Variants in LRRIQ3 observed in about 807,000 individuals in gnomAD.
LRRIQ3 encodes the protein leucine rich repeats and IQ motif containing 3, also known as leucine-rich repeat and IQ domain-containing protein 3.
Under a neutral mutation model 59.3 loss-of-function variants are expected in LRRIQ3, and 75 were observed. The observed-to-expected ratio is 1.26, with a 90% CI of 1.05 to 1.53. The LOEUF (loss-of-function observed/expected upper bound fraction) is 1.53. LRRIQ3 is among the 40% of genes most tolerant of loss of function. The pLI is 0.00. For synonymous variants in LRRIQ3, 250 were observed against 231.3 expected (o/e 1.08, Z -0.73); for missense variants, 831 against 710.0 (o/e 1.17, Z -1.94).
In LRRIQ3 at chr1:74,109,470, T is replaced by C; in HGVS notation, c.791A>G (p.Tyr264Cys). The C allele has an allele frequency of 1.9e-6, 3 of 1,574,692 alleles. No homozygotes were observed. The highest frequency in any genetic ancestry group is 1.9e-5 in the Admixed American group (1 of 53,290). The change falls in exon 5 of 8, where the codon TAT becomes TGT. Residue 264 changes from tyrosine (Y) to cysteine (C), a missense_variant. Tyr to Cys is a radical substitution (Grantham distance 194). Coordinates refer to ENST00000354431, the MANE Select transcript of LRRIQ3 (RefSeq NM_001105659.2). ...EAKWIYITKG[Y>C]EDKLLKDLFF... ...GAGATCCTTAAGGAGCTTATCTTCATACCCTTTGGTTATGTAAATCCATTT... is the reference window on the plus strand; with the variant it reads ...GAGATCCTTAAGGAGCTTATCTTCACACCCTTTGGTTATGTAAATCCATTT...
chr1:74,036,586 A>C (rs1653880950), intron 7 of LRRIQ3, among the ~76,000 whole-genome samples: 1 of 152,170 alleles, frequency 6.6e-6, no homozygotes, highest in African/African-American at 2.4e-5. Flanking sequence ...AATGTACCCG[A>C]AATTTTAATT....
intron 3 of LRRIQ3, chr1:74,179,783 A>G (rs1410862045): frequency 2.0e-5 from 3 of 151,986 alleles, no homozygotes; most frequent in African/African-American, 7.2e-5. Flanking sequence ...ACTCATAAAA[A>G]TCATGTCAGC....
chr1:74,107,193 C>T (rs1487033418), intron 5 of LRRIQ3, among the ~76,000 whole-genome samples: 1 of 152,030 alleles, frequency 6.6e-6, no homozygotes, highest in African/African-American at 2.4e-5. Context: ...TTAAGTCAAG[C>T]ACGTTTTATT....
chr1:74,136,134 G>A (rs900249175), intron 4 of LRRIQ3, among the ~76,000 whole-genome samples: 19 of 151,852 alleles, frequency 1.3e-4, no homozygotes, highest in African/African-American at 3.9e-4. Context: ...AAATGTAGAT[G>A]AAATGGATGA....
intron 6 of LRRIQ3, among the ~76,000 whole-genome samples, chr1:74,051,660 A>G (rs1570032018): frequency 6.6e-6 from 1 of 152,068 alleles, no homozygotes; most frequent in Non-Finnish European, 1.5e-5. Context: ...CCTGTCTCCT[A>G]CCATCTCCCC....
chr1:74,102,479 GGT>G (rs1052682680), intron 5 of LRRIQ3, among the ~76,000 whole-genome samples: 6 of 152,046 alleles, frequency 3.9e-5, no homozygotes, highest in South Asian at 2.1e-4. Context: ...GACAAGTGTT[GGT>G]AAGAATATGA....
chr1:74,056,032 C>G (rs1654524135), intron 6 of LRRIQ3, among the ~76,000 whole-genome samples: 1 of 151,454 alleles, frequency 6.6e-6, no homozygotes, highest in South Asian at 2.1e-4. Flanking sequence ...GTAGTCCCAG[C>G]TACTCAGGAG....
chr1:74,136,510 G>T (rs1570183072), intron 4 of LRRIQ3, among the ~76,000 whole-genome samples: 1 of 151,762 alleles, frequency 6.6e-6, no homozygotes, highest in East Asian at 1.9e-4. Flanking sequence ...CAAGAATAAA[G>T]TATTGTTCAA....
intron 7 of LRRIQ3, among the ~76,000 whole-genome samples, chr1:74,032,433 G>C (rs2100362514): frequency 6.6e-6 from 1 of 152,142 alleles, no homozygotes; most frequent in Non-Finnish European, 1.5e-5. Flanking sequence ...TGAAATCAAG[G>C]TGTCAGCCAG....
At chr1:74,184,394 T>A (rs1176344447) in intron 1 of LRRIQ3, among the ~76,000 whole-genome samples, 1 of 152,110 alleles carries the variant, frequency 6.6e-6, no homozygotes, top group Non-Finnish European at 1.5e-5. Flanking sequence ...TCAGCTTTCA[T>A]AAAAGGTAGT....
chr1:74,111,987 T>C (rs953797158), intron 4 of LRRIQ3, among the ~76,000 whole-genome samples: 6 of 152,128 alleles, frequency 3.9e-5, no homozygotes, highest in African/African-American at 1.4e-4. Flanking sequence ...CTCCCACTGA[T>C]AGGCAGAAGC....
At chr1:74,045,571 C>T (rs541213487) in intron 6 of LRRIQ3, among the ~76,000 whole-genome samples, 18 of 152,264 alleles carry the variant, frequency 1.2e-4, no homozygotes, top group Admixed American at 6.5e-5. Flanking sequence ...TGCCCTCTCT[C>T]ACCACTCCTA....
chr1:74,050,592 C>G, intron 6 of LRRIQ3: 1 of 985,214 alleles, frequency 1.0e-6, no homozygotes, highest in Non-Finnish European at 1.2e-6. Context: ...ACAAATGGTC[C>G]AAACCTATTT....
chr1:74,119,271 T>A (rs1646819256), intron 4 of LRRIQ3, among the ~76,000 whole-genome samples: 1 of 152,106 alleles, frequency 6.6e-6, no homozygotes, highest in Admixed American at 6.6e-5. Flanking sequence ...ATTGCTGATA[T>A]AATTTGCATA....
intron 4 of LRRIQ3, among the ~76,000 whole-genome samples, chr1:74,153,705 C>A (rs113825026): frequency 2.6e-5 from 4 of 152,152 alleles, no homozygotes; most frequent in African/African-American, 9.6e-5. Context: ...GACTATAATA[C>A]GGTATGGTAA....
chr1:74,060,423 G>A (rs1419625901), intron 6 of LRRIQ3, among the ~76,000 whole-genome samples: 1 of 150,016 alleles, frequency 6.7e-6, no homozygotes, highest in Non-Finnish European at 1.5e-5. Context: ...TTTTCTTAAG[G>A]TGGAAAGTTA....
At chr1:74,071,067 T>C (rs932284580) in intron 6 of LRRIQ3, among the ~76,000 whole-genome samples, 2 of 150,638 alleles carry the variant, frequency 1.3e-5, no homozygotes, top group Admixed American at 6.6e-5. Flanking sequence ...ATTATATATA[T>C]AACTATACAA....
Position 74,041,570 on chromosome 1 carries a change from C to T in LRRIQ3, c.1361G>A (p.Arg454Lys), listed in dbSNP as rs746056922. 3 of 1,613,530 alleles carry T rather than the reference C, an allele frequency of 1.9e-6. No individual in the cohort carries two copies. Among genetic ancestry groups the T allele is most frequent in the South Asian group, 2.2e-5 (2 of 90,986 alleles). ...AMAQVARERV[R>K]VAVNEHLNQK... ...ATTCAAATGTTCATTAACAGCTACT[C>T]TAACTCTTTCTCGAGCAACTTGTGC... Residue 454 changes from arginine to lysine, a missense_variant, in exon 7 of 8, where the codon AGA becomes AAA. By Grantham distance (26) the Arg-to-Lys change is conservative. Coordinates refer to ENST00000354431, the MANE Select transcript of LRRIQ3 (RefSeq NM_001105659.2).
Position 74,191,112 on chromosome 1 carries a change from T to A in LRRIQ3, c.-1+6884A>T, listed in dbSNP as rs935198941. 3.3e-5 allele frequency among the ~76,000 whole-genome samples: 5 copies of A among 152,166 alleles called. No individual in the cohort carries two copies. The South Asian group carries it at 6.2e-4, about 19-fold the overall frequency. ...ATGAAAACAGACTAATACAGTAAGC[T>A]CTACAAAATTAATTGAATGCCTAGT... On this transcript the variant is annotated intron_variant, in intron 1 of 7. Transcript: ENST00000354431.
Sources: gnomAD v4.1 joint callset for allele counts (sites outside exome capture counted in the v4.1 genomes callset) on GRCh38, gnomAD v4.1.1 for gene constraint, MANE v1.5 for transcripts, NCBI Gene and HGNC (gene_info 2026-07-23, HGNC 2026-07-21) for gene names.